Variants in GRIP1 observed in about 807,000 individuals in gnomAD.
GRIP1 encodes glutamate receptor interacting protein 1.
In GRIP1, 45 loss-of-function variants were observed where a neutral mutation model predicts 129.9. The ratio of observed to expected loss-of-function variants is 0.35; its 90% CI spans 0.27 to 0.44. GRIP1 has a LOEUF of 0.44. Among genes scored for constraint, GRIP1 ranks in the 20% least tolerant of loss-of-function variants. The pLI is 1.00. For missense variants in GRIP1, 1,196 were observed against 1,396.8 expected, an observed-to-expected ratio of 0.86 and a Z score of 2.29; for synonymous variants, 530 against 520.8, an observed-to-expected ratio of 1.02 and a Z score of -0.24.
At chr12:66,467,288 A>G (rs950895986) in intron 7 of GRIP1, among the ~76,000 whole-genome samples, 2 of 152,160 alleles carry the variant, frequency 1.3e-5, no homozygotes, top group Admixed American at 1.3e-4. Flanking sequence ...AAGCCTAACT[A>G]TGGTGGATGC....
intron 1 of GRIP1, among the ~76,000 whole-genome samples, chr12:66,856,892 T>G (rs2040015024): frequency 6.6e-6 from 1 of 152,184 alleles, no homozygotes; most frequent in Non-Finnish European, 1.5e-5. Flanking sequence ...CAAAGGATTA[T>G]AAAACATGCT....
chr12:66,785,323 C>CATATATATATAT (rs2038291950), intron 1 of GRIP1, among the ~76,000 whole-genome samples: 1 of 55,980 alleles, frequency 1.8e-5, no homozygotes, highest in African/African-American at 6.4e-5. Context: ...TACATACATA[C>CATATATATATAT]ATACATACAT....
chr12:66,476,824 A>G (rs1214384895), intron 7 of GRIP1, among the ~76,000 whole-genome samples: 1 of 152,234 alleles, frequency 6.6e-6, no homozygotes, highest in Non-Finnish European at 1.5e-5. Context: ...ACAATATTCA[A>G]CAGCCCTTCA....
chr12:66,968,344 TGG>T (rs1272693075), intron 1 of GRIP1, among the ~76,000 whole-genome samples: 1 of 151,974 alleles, frequency 6.6e-6, no homozygotes, highest in African/African-American at 2.4e-5. Context: ...ATATTTAAAG[TGG>T]GCTTCTTGTA....
chr12:66,845,959 C>T (rs1042189755), intron 1 of GRIP1, among the ~76,000 whole-genome samples: 4 of 152,130 alleles, frequency 2.6e-5, no homozygotes, highest in Admixed American at 2.0e-4. Flanking sequence ...TGTCTGTTTC[C>T]ATTAAACTGG....
intron 23 of GRIP1, among the ~76,000 whole-genome samples, chr12:66,356,758 T>C (rs951084840): frequency 2.6e-5 from 4 of 152,228 alleles, no homozygotes; most frequent in African/African-American, 9.6e-5. Context: ...TCACTTTCTT[T>C]CATAAACTCC....
intron 1 of GRIP1, among the ~76,000 whole-genome samples, chr12:66,947,691 T>G (rs992026628): frequency 6.6e-6 from 1 of 152,230 alleles, no homozygotes; most frequent in African/African-American, 2.4e-5. Context: ...AACAAGGCAT[T>G]GTGAACAAGA....
At chr12:66,481,603 T>C (rs970807152) in intron 7 of GRIP1, among the ~76,000 whole-genome samples, 1 of 152,198 alleles carries the variant, frequency 6.6e-6, no homozygotes, top group African/African-American at 2.4e-5. Context: ...ACTGGGTATA[T>C]ACCCAAAGGA....
intron 23 of GRIP1, among the ~76,000 whole-genome samples, chr12:66,368,743 T>C (rs968999173): frequency 6.6e-6 from 1 of 152,198 alleles, no homozygotes; most frequent in African/African-American, 2.4e-5. Flanking sequence ...CTTTAACAAG[T>C]CACTTGTCTT....
intron 22 of GRIP1, among the ~76,000 whole-genome samples, chr12:66,373,682 A>G (rs938081973): frequency 3.3e-5 from 5 of 152,234 alleles, no homozygotes; most frequent in Admixed American, 2.0e-4. Context: ...CAAGTAGACT[A>G]TATCTTGACT....
intron 1 of GRIP1, among the ~76,000 whole-genome samples, chr12:66,842,053 T>A (rs1261861623): frequency 6.6e-6 from 1 of 152,142 alleles, no homozygotes; most frequent in African/African-American, 2.4e-5. Flanking sequence ...TAATTTCAAG[T>A]ACTTTGATGT....
intron 1 of GRIP1, among the ~76,000 whole-genome samples, chr12:66,915,690 G>A (rs771611151): frequency 6.6e-6 from 1 of 152,236 alleles, no homozygotes; most frequent in Non-Finnish European, 1.5e-5. Flanking sequence ...TGGGGCCTAT[G>A]TCTTGTATGC....
chr12:66,670,752 T>C (rs1323910865), intron 1 of GRIP1, among the ~76,000 whole-genome samples: 1 of 152,152 alleles, frequency 6.6e-6, no homozygotes, highest in Non-Finnish European at 1.5e-5. Flanking sequence ...AGAGCTCCCT[T>C]AAGGTAGTTC....
intron 2 of GRIP1, chr12:66,568,877 C>A: frequency 2.0e-6 from 1 of 494,386 alleles, no homozygotes. Flanking sequence ...TCTGCTCTGT[C>A]TTATGCAGTT....
At chr12:66,767,640 T>TA (rs1388081923) in intron 1 of GRIP1, among the ~76,000 whole-genome samples, 2 of 151,508 alleles carry the variant, frequency 1.3e-5, no homozygotes, top group African/African-American at 2.4e-5. Flanking sequence ...CCAGGCTGAT[T>TA]TCTTGCCGTA....
chr12:66,803,699 A>G (rs2038920289), intron 1 of GRIP1, among the ~76,000 whole-genome samples: 1 of 152,236 alleles, frequency 6.6e-6, no homozygotes, highest in African/African-American at 2.4e-5. Flanking sequence ...CAAATGAGCT[A>G]GCCTTCCCTA....
intron 1 of GRIP1, among the ~76,000 whole-genome samples, chr12:66,904,915 G>A (rs2040905785): frequency 6.6e-6 from 1 of 151,684 alleles, no homozygotes; most frequent in Admixed American, 6.6e-5. Context: ...AAAAAAGTAA[G>A]CTTTGTTTTT....
intron 2 of GRIP1, among the ~76,000 whole-genome samples, chr12:66,555,887 A>C (rs2062313214): frequency 6.6e-6 from 1 of 151,626 alleles, no homozygotes; most frequent in Non-Finnish European, 1.5e-5. Context: ...AAGAAAAAAG[A>C]ATGAAAAAGG....
upstream of GRIP1, among the ~76,000 whole-genome samples, chr12:66,683,082 A>C (rs911683378): frequency 5.9e-5 from 9 of 151,788 alleles, no homozygotes; most frequent in Non-Finnish European, 1.3e-4. Flanking sequence ...ACAGTTATTA[A>C]ATGTTGTGTA....
Sources: allele counts gnomAD v4.1 joint callset (sites outside exome capture counted in the v4.1 genomes callset), GRCh38; gene constraint gnomAD v4.1.1; transcripts MANE v1.5; gene names NCBI Gene and HGNC (gene_info 2026-07-23, HGNC 2026-07-21).